The following SUPT3H variants were observed in gnomAD, a reference collection of about 807,000 sequenced individuals.
SUPT3H encodes SPT3 homolog, SAGA and STAGA complex component.
In SUPT3H, 44 loss-of-function variants were observed where a neutral mutation model predicts 44.3. The observed-to-expected ratio is 0.99, with a 90% CI of 0.78 to 1.28. SUPT3H has a LOEUF of 1.28. SUPT3H is among the 50% of genes most tolerant of loss of function. SUPT3H has a pLI of 0.00. For synonymous variants in SUPT3H, 124 were observed against 125.6 expected (o/e 0.99, Z 0.09); for missense variants, 380 against 387.1 (o/e 0.98, Z 0.15).
At chr6:45,322,458 A>C (rs1785655529) in intron 2 of SUPT3H, among the ~76,000 whole-genome samples, 1 of 151,730 alleles carries the variant, frequency 6.6e-6, no homozygotes, top group South Asian at 2.1e-4. Context: ...CTTAAAAGTA[A>C]AATTAGTGCA....
chr6:45,188,566 G>A (rs1472265164), intron 2 of SUPT3H, among the ~76,000 whole-genome samples: 3 of 152,136 alleles, frequency 2.0e-5, no homozygotes, highest in Non-Finnish European at 4.4e-5. Context: ...GATAAGGGGA[G>A]ACTACTGTGT....
At chr6:45,037,650 C>T (rs553656203) in intron 3 of SUPT3H, among the ~76,000 whole-genome samples, 6 of 149,938 alleles carry the variant, frequency 4.0e-5, no homozygotes, top group South Asian at 4.2e-4. Flanking sequence ...GATGACAGAG[C>T]GAGACTCCAT....
intron 2 of SUPT3H, among the ~76,000 whole-genome samples, chr6:45,194,325 A>G (rs1483345522): frequency 6.6e-6 from 1 of 152,154 alleles, no homozygotes; most frequent in Non-Finnish European, 1.5e-5. Flanking sequence ...AATCAACTCA[A>G]AATGATACTT....
At chr6:45,362,966 T>G (rs1269960821) in intron 2 of SUPT3H, among the ~76,000 whole-genome samples, 2 of 152,074 alleles carry the variant, frequency 1.3e-5, no homozygotes, top group Non-Finnish European at 2.9e-5. Flanking sequence ...TGGGAACAGT[T>G]TGGTTTTTTT....
chr6:45,065,212 T>G (rs1793036652), intron 3 of SUPT3H, among the ~76,000 whole-genome samples: 1 of 151,042 alleles, frequency 6.6e-6, no homozygotes, highest in African/African-American at 2.4e-5. Flanking sequence ...GAATGACTAC[T>G]GGGTACATAA....
downstream of SUPT3H, among the ~76,000 whole-genome samples, chr6:44,825,058 A>G (rs9472372): frequency 0.087 from 13,315 of 152,296 alleles, 961 homozygotes; most frequent in African/African-American, 0.2. Context: ...CATACCTTGT[A>G]TGAAAGCGTG....
chr6:45,003,411 C>A (rs1466825853), intron 6 of SUPT3H, among the ~76,000 whole-genome samples: 1 of 151,868 alleles, frequency 6.6e-6, no homozygotes, highest in African/African-American at 2.4e-5. Flanking sequence ...GTAGGGAAAC[C>A]TAATCATTTT....
chr6:45,332,440 T>C (rs1787703817), intron 2 of SUPT3H, among the ~76,000 whole-genome samples: 1 of 151,866 alleles, frequency 6.6e-6, no homozygotes, highest in Non-Finnish European at 1.5e-5. Flanking sequence ...TCATGATTAA[T>C]GATGCACCCG....
At chr6:45,286,774 T>C (rs1779360353) in intron 2 of SUPT3H, among the ~76,000 whole-genome samples, 1 of 152,182 alleles carries the variant, frequency 6.6e-6, no homozygotes, top group Admixed American at 6.5e-5. Flanking sequence ...AACATGCTGC[T>C]ATAAAGACAC....
intron 3 of SUPT3H, among the ~76,000 whole-genome samples, chr6:45,056,118 A>G (rs1000925090): frequency 2.0e-5 from 3 of 152,208 alleles, no homozygotes; most frequent in Admixed American, 6.5e-5. Context: ...AATCAAAACC[A>G]CAATGAGATA....
chr6:44,851,840 C>G (rs1476481030), intron 10 of SUPT3H, among the ~76,000 whole-genome samples: 1 of 152,152 alleles, frequency 6.6e-6, no homozygotes, highest in African/African-American at 2.4e-5. Flanking sequence ...AGCCCCTGAT[C>G]AAGATTATAA....
intron 6 of SUPT3H, among the ~76,000 whole-genome samples, chr6:44,989,229 T>C (rs1263244135): frequency 1.3e-5 from 2 of 152,148 alleles, no homozygotes; most frequent in East Asian, 3.8e-4. Context: ...AGTGAGATCA[T>C]GTAGTATTTT....
intron 2 of SUPT3H, among the ~76,000 whole-genome samples, chr6:45,298,217 G>C (rs1781592226): frequency 6.6e-6 from 1 of 152,162 alleles, no homozygotes; most frequent in African/African-American, 2.4e-5. Context: ...AGAACGAATA[G>C]GAACACGAAC....
intron 10 of SUPT3H, among the ~76,000 whole-genome samples, chr6:44,897,108 A>G (rs1318014634): frequency 6.6e-6 from 1 of 152,216 alleles, no homozygotes; most frequent in Non-Finnish European, 1.5e-5. Context: ...ATTCAGCCCA[A>G]GGTCCTAATA....
chr6:44,901,183 G>GAGAGA (rs1482716641), intron 10 of SUPT3H, among the ~76,000 whole-genome samples: 3 of 152,212 alleles, frequency 2.0e-5, no homozygotes, highest in Non-Finnish European at 2.9e-5. Flanking sequence ...GAATGACTTT[G>GAGAGA]ACAAGTTGAG....
chr6:45,065,722 A>C (rs1793167911), intron 3 of SUPT3H, among the ~76,000 whole-genome samples: 2 of 151,470 alleles, frequency 1.3e-5, no homozygotes, highest in Non-Finnish European at 1.5e-5. Flanking sequence ...GAAATGGATA[A>C]ATTCCTCAAC....
intron 2 of SUPT3H, among the ~76,000 whole-genome samples, chr6:45,107,004 A>T (rs1455033828): frequency 6.6e-6 from 1 of 152,254 alleles, no homozygotes; most frequent in South Asian, 2.1e-4. Flanking sequence ...AAAGTTGGTA[A>T]GAAAAATTTA....
At chr6:45,024,118 G>A (rs1322273917) in intron 3 of SUPT3H, among the ~76,000 whole-genome samples, 1 of 151,916 alleles carries the variant, frequency 6.6e-6, no homozygotes, top group African/African-American at 2.4e-5. Flanking sequence ...ACTTCTATTT[G>A]TCAAAGTAAA....
chr6:45,218,771 GA>G (rs1458012261), intron 2 of SUPT3H, among the ~76,000 whole-genome samples: 1 of 151,976 alleles, frequency 6.6e-6, no homozygotes, highest in East Asian at 1.9e-4. Context: ...CAAGAATATA[GA>G]AAATCTGAAC....
Sources: gnomAD v4.1 joint callset for allele counts (sites outside exome capture counted in the v4.1 genomes callset) on GRCh38, gnomAD v4.1.1 for gene constraint, MANE v1.5 for transcripts, NCBI Gene and HGNC (gene_info 2026-07-23, HGNC 2026-07-21) for gene names.